The following ENPP3 variants were observed in gnomAD, a reference collection of about 807,000 sequenced individuals.
ENPP3 encodes ectonucleotide pyrophosphatase/phosphodiesterase family member 3.
ENPP3 carries 104 observed loss-of-function variants against 117.8 expected under a neutral mutation model. The ratio of observed to expected loss-of-function variants is 0.88; its 90% CI spans 0.75 to 1.04. ENPP3 has a LOEUF of 1.04. Ranked by LOEUF, ENPP3 falls within the 50% of genes least tolerant of loss-of-function variation. The pLI, the probability that ENPP3 is intolerant of heterozygous loss-of-function variation, is 0.00. For synonymous variants in ENPP3, 380 were observed against 349.9 expected (o/e 1.09, Z -0.96); for missense variants, 1,026 against 1,051.9 (o/e 0.98, Z 0.34).
At chr6:131,676,409 C>T (rs922945569) in intron 9 of ENPP3, among the ~76,000 whole-genome samples, 3 of 151,942 alleles carry the variant, frequency 2.0e-5, no homozygotes, top group African/African-American at 7.3e-5. Context: ...AAATAGTATC[C>T]AGCAATAAAT....
intron 5 of ENPP3, among the ~76,000 whole-genome samples, chr6:131,655,492 C>G (rs1390995420): frequency 1.3e-5 from 2 of 152,120 alleles, no homozygotes; most frequent in African/African-American, 4.8e-5. Flanking sequence ...CATAACACTC[C>G]CTCAAGTCAT....
At position 131,740,330 on chromosome 6, in the gene ENPP3, G is replaced by A. The variant is rs1409938967; in HGVS notation, c.2407G>A (p.Val803Ile). ...TPENCPGWLDVLPFIIPHRPT... is the reference protein window; with the variant it reads ...TPENCPGWLDILPFIIPHRPT... Reference sequence around the variant, plus strand: ...GGAAAACTGCCCTGGGTGGCTGGATGTCCTACCCTTTATCATCCCTCACCG... The same window carrying A: ...GGAAAACTGCCCTGGGTGGCTGGATATCCTACCCTTTATCATCCCTCACCG... Residue 803 changes from valine to isoleucine, a missense_variant, in exon 24 of 25, where the codon GTC becomes ATC. Transcript: ENST00000357639. 25 of 1,612,564 alleles carry A rather than the reference G, an allele frequency of 1.6e-5. No individual in the cohort carries two copies. The highest frequency in any genetic ancestry group is 1.7e-5 in the Non-Finnish European group (20 of 1,179,242).
At chr6:131,702,025 T>TA (rs200398525) in intron 15 of ENPP3, among the ~76,000 whole-genome samples, 5 of 148,396 alleles carry the variant, frequency 3.4e-5, no homozygotes, top group South Asian at 4.3e-4. Context: ...GGTCTTTTTT[T>TA]AAAAAAAATT....
At chr6:131,712,147 T>A (rs1407500248) in intron 15 of ENPP3, among the ~76,000 whole-genome samples, 1 of 134,344 alleles carries the variant, frequency 7.4e-6, no homozygotes, top group Non-Finnish European at 1.5e-5. Context: ...GATGTTATGA[T>A]GCCCTATCTG....
At chr6:131,675,417 C>T (rs1188337010) in intron 9 of ENPP3, 2 of 452,682 alleles carry the variant, frequency 4.4e-6, no homozygotes, top group Non-Finnish European at 8.0e-6. Context: ...CTAGCATTAC[C>T]ACTCTGGTTC....
At chr6:131,646,276 G>A (rs961233706) in intron 2 of ENPP3, among the ~76,000 whole-genome samples, 1 of 90,366 alleles carries the variant, frequency 1.1e-5, no homozygotes, top group Non-Finnish European at 2.2e-5. Flanking sequence ...TCAATACTCT[G>A]TGTGTGTGTG....
chr6:131,648,550 A>G (rs1338728036), intron 2 of ENPP3, among the ~76,000 whole-genome samples: 2 of 152,136 alleles, frequency 1.3e-5, no homozygotes, highest in African/African-American at 4.8e-5. Context: ...TTATCACTTC[A>G]TCTGCAATTC....
At chr6:131,722,980 G>C (rs1371868300) in intron 18 of ENPP3, among the ~76,000 whole-genome samples, 2 of 152,162 alleles carry the variant, frequency 1.3e-5, no homozygotes. Flanking sequence ...TTTAGTGCTA[G>C]GAGAGGCCCC....
chr6:131,728,647 C>T (rs767938122), intron 20 of ENPP3, among the ~76,000 whole-genome samples: 13 of 152,150 alleles, frequency 8.5e-5, no homozygotes, highest in Non-Finnish European at 1.9e-4. Flanking sequence ...TAAATCAGCT[C>T]TGTGTTTCAA....
chr6:131,652,381 G>T (rs1199051522), intron 3 of ENPP3, among the ~76,000 whole-genome samples, 161 bp from the exon 4 acceptor site: 1 of 152,240 alleles, frequency 6.6e-6, no homozygotes. Context: ...GTGAAGAAAA[G>T]TGGTGGTTTG....
chr6:131,725,352 C>G (rs1780132337), intron 19 of ENPP3, among the ~76,000 whole-genome samples: 1 of 152,158 alleles, frequency 6.6e-6, no homozygotes, highest in Admixed American at 6.5e-5. Flanking sequence ...AACCCAAGAT[C>G]AAGTTGCCAG....
At chr6:131,686,711 T>A (rs779127386) in intron 14 of ENPP3, among the ~76,000 whole-genome samples, 7 of 152,198 alleles carry the variant, frequency 4.6e-5, no homozygotes, top group African/African-American at 1.7e-4. Flanking sequence ...CCCATACTTA[T>A]GTTCACGTGT....
At chr6:131,689,273 T>C (rs1779226611) in intron 14 of ENPP3, among the ~76,000 whole-genome samples, 1 of 152,154 alleles carries the variant, frequency 6.6e-6, no homozygotes, top group South Asian at 2.1e-4. Context: ...TCTAGGACTT[T>C]CATAGCTAGA....
At chr6:131,685,294 G>A (rs955777353) in intron 12 of ENPP3, 70 bp from the exon 13 acceptor site, 2 of 1,304,158 alleles carry the variant, frequency 1.5e-6, no homozygotes, top group Non-Finnish European at 2.2e-6. Context: ...TCTTCTATTT[G>A]ACAAGACAGA....
At chr6:131,741,008 G>C (rs1419328753) in intron 24 of ENPP3, among the ~76,000 whole-genome samples, 2 of 151,940 alleles carry the variant, frequency 1.3e-5, no homozygotes, top group East Asian at 3.9e-4. Flanking sequence ...CCATCAACTT[G>C]AACCATGAGG....
At chr6:131,638,993 CA>C (rs1249999329) in intron 1 of ENPP3, among the ~76,000 whole-genome samples, 7 of 151,864 alleles carry the variant, frequency 4.6e-5, no homozygotes, top group African/African-American at 1.7e-4. Context: ...ACTCCTGACT[CA>C]GTACCTTACA....
chr6:131,696,700 G>A (rs73779864), intron 15 of ENPP3, among the ~76,000 whole-genome samples: 1,541 of 151,732 alleles, frequency 0.01, 23 homozygotes, highest in African/African-American at 0.032. Context: ...TGCTTGCCAA[G>A]CCTTGAACAC....
intron 2 of ENPP3, among the ~76,000 whole-genome samples, chr6:131,649,694 C>T (rs554630827): frequency 3.3e-5 from 5 of 152,160 alleles, no homozygotes; most frequent in Admixed American, 2.0e-4. Context: ...TAGCTAGGAC[C>T]ATAGGCGTGC....
intron 18 of ENPP3, among the ~76,000 whole-genome samples, chr6:131,723,821 T>A (rs1461960161): frequency 6.8e-6 from 1 of 146,798 alleles, no homozygotes; most frequent in African/African-American, 2.7e-5. Context: ...TCTCTCTCTC[T>A]CTCTCTCACA....
Sources: gnomAD v4.1 joint callset for allele counts (sites outside exome capture counted in the v4.1 genomes callset) on GRCh38, gnomAD v4.1.1 for gene constraint, MANE v1.5 for transcripts, NCBI Gene and HGNC (gene_info 2026-07-23, HGNC 2026-07-21) for gene names.